Variants in TAS2R1 observed in about 807,000 individuals in gnomAD.
TAS2R1 encodes the protein taste 2 receptor member 1.
For synonymous variants in TAS2R1, 141 were observed against 134.2 expected, an observed-to-expected ratio of 1.05 and a Z score of -0.35; for missense variants, 370 against 353.4, an observed-to-expected ratio of 1.05 and a Z score of -0.38.
chr5:9,902,391 C>A, the TAS2R1 span, among the ~76,000 whole-genome samples: 9 of 152,126 alleles, frequency 5.9e-5, no homozygotes, highest in East Asian at 1.7e-3. Flanking sequence ...GCACATAACA[C>A]CCCCAAATTT....
chr5:9,665,076 C>A (rs887093161), intron 1 of TAS2R1, among the ~76,000 whole-genome samples: 1 of 152,204 alleles, frequency 6.6e-6, no homozygotes, highest in African/African-American at 2.4e-5. Context: ...CAGCCTCTTA[C>A]AAGGTGTCAG....
the TAS2R1 span, among the ~76,000 whole-genome samples, chr5:9,854,829 G>A: frequency 6.6e-6 from 1 of 152,144 alleles, no homozygotes; most frequent in African/African-American, 2.4e-5. Flanking sequence ...TCTTTTTGTT[G>A]AAGGATATTC....
At chr5:9,731,556 T>C in the TAS2R1 span, among the ~76,000 whole-genome samples, 1 of 152,328 alleles carries the variant, frequency 6.6e-6, no homozygotes, top group African/African-American at 2.4e-5. Context: ...TCTCCCTTCT[T>C]CCACCAGGCA....
the TAS2R1 span, among the ~76,000 whole-genome samples, chr5:9,772,204 G>A: frequency 6.6e-6 from 1 of 151,696 alleles, no homozygotes; most frequent in Non-Finnish European, 1.5e-5. Flanking sequence ...ACGTTATATT[G>A]CCATTATGAT....
chr5:9,845,845 A>G, the TAS2R1 span, among the ~76,000 whole-genome samples: 4 of 152,270 alleles, frequency 2.6e-5, no homozygotes, highest in African/African-American at 7.2e-5. Context: ...AATGTAGTCA[A>G]GAATATCTTG....
upstream of TAS2R1, among the ~76,000 whole-genome samples, chr5:9,633,294 T>TATATATATA (rs1476544403): frequency 2.1e-4 from 14 of 67,816 alleles, 1 homozygote; most frequent in East Asian, 6.7e-3. Context: ...TGTGTGTATA[T>TATATATATA]TATATATATA....
chr5:9,762,755 T>A, the TAS2R1 span, among the ~76,000 whole-genome samples: 1 of 152,058 alleles, frequency 6.6e-6, no homozygotes. Context: ...GAGAAGAAGA[T>A]CTCTTTCAGA....
At chr5:9,747,243 T>C in the TAS2R1 span, among the ~76,000 whole-genome samples, 12 of 152,246 alleles carry the variant, frequency 7.9e-5, no homozygotes, top group East Asian at 2.1e-3. Flanking sequence ...TAGTGAAGTT[T>C]TGGGGACAGA....
intron 1 of TAS2R1, among the ~76,000 whole-genome samples, chr5:9,666,933 A>T (rs114967691): frequency 0.028 from 4,311 of 152,294 alleles, 75 homozygotes; most frequent in Middle Eastern, 0.054. Flanking sequence ...AAACACAGAA[A>T]AGTAGAGATA....
chr5:9,873,238 C>A, the TAS2R1 span, among the ~76,000 whole-genome samples: 1 of 152,142 alleles, frequency 6.6e-6, no homozygotes, highest in African/African-American at 2.4e-5. Context: ...TGGCTTCTCT[C>A]GGTAGGATAT....
chr5:9,640,378 C>A lies in TAS2R1; in HGVS notation c.-80-10386G>T, dbSNP rs914425316. 2.0e-5 allele frequency among the ~76,000 whole-genome samples: 3 copies of A among 151,308 alleles called. No homozygotes were observed. In the East Asian group the frequency reaches 5.9e-4, roughly 30 times the overall value. On this transcript the variant is annotated intron_variant, in intron 2 of 2. Transcript: ENST00000506620. ...AATGATACAAAAATAATAAAAAAAGCTTTCAGATAGTGAACGAATTACCAA... is the reference window on the plus strand; with the variant it reads ...AATGATACAAAAATAATAAAAAAAGATTTCAGATAGTGAACGAATTACCAA...
At chr5:9,769,770 T>G in the TAS2R1 span, among the ~76,000 whole-genome samples, 3 of 152,198 alleles carry the variant, frequency 2.0e-5, no homozygotes, top group African/African-American at 7.2e-5. Context: ...GTTAGATTTT[T>G]TTTGTATAGA....
At chr5:9,781,398 G>T in the TAS2R1 span, among the ~76,000 whole-genome samples, 1 of 152,136 alleles carries the variant, frequency 6.6e-6, no homozygotes, top group Non-Finnish European at 1.5e-5. Flanking sequence ...GTCTCACCTG[G>T]ACTGCTGCAA....
At chr5:9,743,173 A>C in the TAS2R1 span, among the ~76,000 whole-genome samples, 23 of 151,564 alleles carry the variant, frequency 1.5e-4, no homozygotes, top group Admixed American at 6.6e-5. Context: ...TTACCAACCA[A>C]CTCTCTTGGA....
At chr5:9,843,090 C>T in the TAS2R1 span, among the ~76,000 whole-genome samples, 1 of 152,046 alleles carries the variant, frequency 6.6e-6, no homozygotes, top group Non-Finnish European at 1.5e-5. Flanking sequence ...TTATGCAGGA[C>T]TCTTTTCCTG....
At chr5:9,738,270 A>G in the TAS2R1 span, among the ~76,000 whole-genome samples, 45,715 of 152,002 alleles carry the variant, frequency 0.3, 7,359 homozygotes, top group Middle Eastern at 0.49. Flanking sequence ...CCCTGATCCA[A>G]TTGGGGCTGG....
the TAS2R1 span, among the ~76,000 whole-genome samples, chr5:9,722,478 A>G: frequency 7.0e-3 from 1,071 of 152,346 alleles, 22 homozygotes; most frequent in East Asian, 0.083. Context: ...GAGAAACCCA[A>G]TGGATCTCTT....
the TAS2R1 span, among the ~76,000 whole-genome samples, chr5:9,824,913 C>G: frequency 6.6e-6 from 1 of 151,028 alleles, no homozygotes; most frequent in Non-Finnish European, 1.5e-5. Flanking sequence ...AGGTATCTAT[C>G]CCACCTGGAG....
upstream of TAS2R1, among the ~76,000 whole-genome samples, chr5:9,631,055 T>C (rs2126474306): frequency 6.6e-6 from 1 of 152,276 alleles, no homozygotes; most frequent in Non-Finnish European, 1.5e-5. Context: ...CACATGCCTG[T>C]CCTCTACCCA....
Sources: gnomAD v4.1 joint callset for allele counts (sites outside exome capture counted in the v4.1 genomes callset) on GRCh38, gnomAD v4.1.1 for gene constraint, MANE v1.5 for transcripts, NCBI Gene and HGNC (gene_info 2026-07-23, HGNC 2026-07-21) for gene names.